SLF1: variants seen among roughly 807,000 people sequenced by gnomAD.
The protein encoded by SLF1 is SMC5-SMC6 complex localization factor protein 1.
A neutral mutation model predicts 123.0 loss-of-function variants in SLF1; 105 were observed. The ratio of observed to expected loss-of-function variants is 0.85; its 90% CI spans 0.73 to 1.00. SLF1 has a LOEUF of 1.00. Among genes scored for constraint, SLF1 ranks in the 50% least tolerant of loss-of-function variants. The pLI, the probability that SLF1 is intolerant of heterozygous loss-of-function variation, is 0.00. For synonymous variants in SLF1, 434 were observed against 406.6 expected (o/e 1.07, Z -0.81); for missense variants, 1,239 against 1,223.0 (o/e 1.01, Z -0.20).
chr5:94,642,243 C>T (rs186206078), intron 4 of SLF1, among the ~76,000 whole-genome samples: 148 of 152,316 alleles, frequency 9.7e-4, no homozygotes, highest in African/African-American at 3.5e-3. Flanking sequence ...CACTAGCCCA[C>T]TTATGCTGTC....
intron 15 of SLF1, among the ~76,000 whole-genome samples, chr5:94,680,039 T>C (rs1585217514): frequency 6.6e-6 from 1 of 152,326 alleles, no homozygotes; most frequent in East Asian, 1.9e-4. Context: ...ATTATTTTTA[T>C]ATACTTTTAT....
chr5:94,682,018 A>G (rs1015923641), intron 15 of SLF1, among the ~76,000 whole-genome samples: 2 of 151,654 alleles, frequency 1.3e-5, no homozygotes, highest in Non-Finnish European at 2.9e-5. Context: ...GTGTGTGTGC[A>G]TGTGTGTGTG....
chr5:94,684,213 A>G (rs890597449), intron 15 of SLF1, among the ~76,000 whole-genome samples: 2 of 152,210 alleles, frequency 1.3e-5, no homozygotes, highest in African/African-American at 4.8e-5. Flanking sequence ...TAAGAGATCA[A>G]TTGGTTGCAG....
chr5:94,685,903 T>C (rs1256300102), intron 15 of SLF1, among the ~76,000 whole-genome samples: 1 of 152,168 alleles, frequency 6.6e-6, no homozygotes, highest in African/African-American at 2.4e-5. Flanking sequence ...GAAGTCGTTA[T>C]ACATGCTCGT....
chr5:94,655,344 A>G (rs545780031), intron 9 of SLF1, among the ~76,000 whole-genome samples: 48 of 152,270 alleles, frequency 3.2e-4, no homozygotes, highest in South Asian at 6.2e-4. Flanking sequence ...TTTGTGGTAT[A>G]CTTTGAAGTC....
Position 94,689,621 on chromosome 5 carries a change from T to C in SLF1, c.2419+15T>C. The C allele has an allele frequency of 6.3e-7, 1 of 1,594,222 alleles. No individual in the cohort carries two copies. Among genetic ancestry groups the C allele is most frequent in the Non-Finnish European group, 8.6e-7 (1 of 1,167,902 alleles). ...TAATCTAAAAGGTATTCCAAGTATT[T>C]AAATTAATTTATGCTAAGAACTTTT... On this transcript the variant is annotated intron_variant, in intron 18 of 20. Transcript: ENST00000265140.
rs540538789 is a variant in SLF1, at chr5:94,630,741, A to G, written c.429A>G (p.Ile143Met). 32 of 1,550,836 alleles carry G rather than the reference A, an allele frequency of 2.1e-5. No homozygotes were observed. The Admixed American group carries it at 2.4e-4, about 11-fold the overall frequency. Reference protein sequence around the residue: ...VRTDKRSDSLIRVLEAGKANV... With the variant: ...VRTDKRSDSLMRVLEAGKANV... ...CTGATAAGCGAAGTGATTCTCTTAT[A>G]AGGTAGGATGTGATTACATAAAAGC... Residue 143 changes from isoleucine to methionine, a missense_variant and splice_region_variant, in exon 4 of 21, where the codon ATA becomes ATG. By Grantham distance (10) the Ile-to-Met change is conservative. Coordinates refer to ENST00000265140, the MANE Select transcript of SLF1 (RefSeq NM_032290.4).
Position 94,638,538 on chromosome 5 carries a change from C to T in SLF1, c.432-4735C>T, listed in dbSNP as rs150949654. 4.7e-3 allele frequency among the ~76,000 whole-genome samples: 717 copies of T among 152,330 alleles called. 2 individuals are homozygous for T. Among genetic ancestry groups the T allele is most frequent in the Non-Finnish European group, 6.8e-3 (465 of 68,032 alleles). On this transcript the variant is annotated intron_variant, in intron 4 of 20. Transcript: ENST00000265140. The stretch of plus-strand genomic sequence containing the variant: ...AGCTGTGCCATTACCCCTTGTCCTC[C>T]CTTTGAGGTGACACATGAGTGGACT...
intron 8 of SLF1, among the ~76,000 whole-genome samples, chr5:94,653,689 A>G (rs1056650710): frequency 6.6e-6 from 1 of 152,208 alleles, no homozygotes; most frequent in Admixed American, 6.5e-5. Context: ...GGAAAAGACT[A>G]TTTCTTAAAA....
intron 3 of SLF1, chr5:94,629,816 T>C (rs1381045572): frequency 6.6e-6 from 1 of 152,224 alleles, no homozygotes; most frequent in Non-Finnish European, 1.5e-5. Context: ...ACATACATTG[T>C]CCATAATGTT....
At chr5:94,647,048 A>C (rs1747146953) in intron 5 of SLF1, among the ~76,000 whole-genome samples, 1 of 152,188 alleles carries the variant, frequency 6.6e-6, no homozygotes, top group African/African-American at 2.4e-5. Context: ...CACAGCTGTC[A>C]TGTATCAGAG....
chr5:94,695,413 T>C lies in SLF1; in HGVS notation c.*101T>C. 1 of 1,337,240 alleles carries C rather than the reference T, an allele frequency of 7.5e-7. No homozygotes were observed. Among genetic ancestry groups the C allele is most frequent in the Non-Finnish European group, 9.8e-7 (1 of 1,020,418 alleles). The allele number at this position is 1,337,240 out of a possible 1,614,324, so 82.8% of individuals were successfully genotyped here. A position where few individuals can be genotyped will look rare whatever the true frequency, so the allele number is the denominator to read the frequency against. On this transcript the variant is annotated 3_prime_UTR_variant, in exon 21 of 21. Coordinates refer to ENST00000265140, the MANE Select transcript of SLF1 (RefSeq NM_032290.4). ...ACTGACAGATAGTAATTTGATTTAT[T>C]TATTGACAGACTTTGCAGCCTTGCT... is the stretch of plus-strand genomic sequence containing the variant.
At position 94,653,226 on chromosome 5, in the gene SLF1, A is replaced by C. The variant is rs745966719; in HGVS notation, c.883-46A>C. On this transcript the variant is annotated intron_variant, in intron 7 of 20. Transcript: ENST00000265140. ...CTTGAGTTTATTTGGATTTTGTAAC[A>C]TATGTCATTGATGTTGAGATTTAAT... The C allele has an allele frequency of 1.1e-5, 16 of 1,434,772 alleles. No individual in the cohort carries two copies. The African/African-American group carries it at 2.2e-4, about 20-fold the overall frequency. The allele number at this position is 1,434,772 out of a possible 1,614,324, so 88.9% of individuals were successfully genotyped here.
intron 19 of SLF1, 107 bp downstream of exon 19, chr5:94,691,763 TC>T (rs1270905049): frequency 2.3e-5 from 20 of 870,494 alleles, no homozygotes; most frequent in Admixed American, 3.5e-5. Flanking sequence ...ACCTAAGGTA[TC>T]TTAAAAGTAT....
Position 94,697,292 on chromosome 5 carries a change from T to C in SLF1, c.*1980T>C, listed in dbSNP as rs1293594651. ...AGTATATGAGTATGAATCTAAATGTTCAGGAAAAGGCTTCATTCCCAAAAT... is the reference window on the plus strand; with the variant it reads ...AGTATATGAGTATGAATCTAAATGTCCAGGAAAAGGCTTCATTCCCAAAAT... On this transcript the variant is annotated 3_prime_UTR_variant, in exon 21 of 21. Coordinates refer to ENST00000265140, the MANE Select transcript of SLF1 (RefSeq NM_032290.4). The C allele has an allele frequency of 6.6e-6, 1 of 151,858 alleles. No individual in the cohort carries two copies. Among genetic ancestry groups the C allele is most frequent in the Non-Finnish European group, 1.5e-5 (1 of 67,860 alleles). 9.4% of individuals were successfully genotyped at this position (151,858 alleles called of 1,614,324 possible). A position where few individuals can be genotyped will look rare whatever the true frequency, so the allele number is the denominator to read the frequency against.
At chr5:94,653,549 T>C (rs867520618) in intron 8 of SLF1, 128 bp downstream of exon 8, 4 of 778,282 alleles carry the variant, frequency 5.1e-6, no homozygotes, top group Non-Finnish European at 3.8e-6. Context: ...TATTCATAGT[T>C]AATATTCCAG....
Position 94,688,667 on chromosome 5 carries a change from A to G in SLF1, c.2283A>G (p.Leu761=), listed in dbSNP as rs770593616. The change falls in exon 17 of 21, where the codon TTA becomes TTG. Residue 761 remains leucine (L), a splice_region_variant and synonymous_variant. Transcript: ENST00000265140. ...KQKQVEGLPE[L]LDLNLAKCSS... ...AACAAGTCGAAGGGCTGCCAGAGTT[A>G]CTGTAAGTGATGCTGATATCCCAGC... is the stretch of plus-strand genomic sequence containing the variant. 2 of 1,613,824 alleles carry G rather than the reference A, an allele frequency of 1.2e-6. No homozygotes were observed. Among genetic ancestry groups the G allele is most frequent in the Admixed American group, 3.3e-5 (2 of 59,996 alleles).
At chr5:94,662,041 G>A (rs1749185084) in intron 9 of SLF1, among the ~76,000 whole-genome samples, 1 of 151,998 alleles carries the variant, frequency 6.6e-6, no homozygotes, top group Non-Finnish European at 1.5e-5. Context: ...AAGGACAATG[G>A]ACCTCTTCAG....
chr5:94,683,736 A>G (rs1049929256), intron 15 of SLF1, among the ~76,000 whole-genome samples: 2 of 152,210 alleles, frequency 1.3e-5, no homozygotes, highest in Admixed American at 6.5e-5. Context: ...GGAATTTGTA[A>G]GCCTTGTTAA....
Sources: gnomAD v4.1 joint callset for allele counts (sites outside exome capture counted in the v4.1 genomes callset) on GRCh38, gnomAD v4.1.1 for gene constraint, MANE v1.5 for transcripts, NCBI Gene and HGNC (gene_info 2026-07-23, HGNC 2026-07-21) for gene names.